FAM184B: variants seen among roughly 807,000 people sequenced by gnomAD.
FAM184B encodes the protein family with sequence similarity 184 member B, also known as protein FAM184B.
In FAM184B, 111 loss-of-function variants were observed where a neutral mutation model predicts 135.9. The observed-to-expected ratio is 0.82, with a 90% confidence interval of 0.70 to 0.96. FAM184B has a LOEUF of 0.96. Among genes scored for constraint, FAM184B ranks in the 40% least tolerant of loss-of-function variants. The pLI, the probability that FAM184B is intolerant of heterozygous loss-of-function variation, is 0.00. For synonymous variants in FAM184B, 552 were observed against 524.8 expected (o/e 1.05, Z -0.71); for missense variants, 1,375 against 1,323.9 (o/e 1.04, Z -0.60).
chr4:17,779,649 T>C (rs1034058609), intron 1 of FAM184B, among the ~76,000 whole-genome samples: 9 of 152,234 alleles, frequency 5.9e-5, no homozygotes, highest in Admixed American at 1.3e-4. Context: ...AGCTGGCACA[T>C]AGTAGGAATT....
At chr4:17,780,281 A>C (rs1719009786) in intron 1 of FAM184B, among the ~76,000 whole-genome samples, 1 of 152,138 alleles carries the variant, frequency 6.6e-6, no homozygotes, top group Non-Finnish European at 1.5e-5. Flanking sequence ...CCTGGACCTG[A>C]CCTCTCCCTG....
rs1337544513 is a variant in FAM184B at position 17,644,976 on chromosome 4, C to CA, written c.2346+2660dup. On this transcript the variant is annotated intron_variant, in intron 12 of 17. Coordinates refer to ENST00000265018, the MANE Select transcript of FAM184B (RefSeq NM_015688.2). ...GAGAGCCAAATCATGAGTGAACTCCCATTCACAATTGCTTCAAAGAGAATA... is the reference window on the plus strand; with the variant it reads ...GAGAGCCAAATCATGAGTGAACTCCCAATTCACAATTGCTTCAAAGAGAATA... Among the ~76,000 whole-genome samples, 3 of 152,252 alleles carry CA rather than the reference C, an allele frequency of 2.0e-5. No homozygotes were observed. In the East Asian group the frequency reaches 5.8e-4, roughly 29 times the overall value.
chr4:17,636,472 G>C (rs1260133726), intron 15 of FAM184B, 56 bp downstream of exon 15: 1 of 1,360,138 alleles, frequency 7.4e-7, no homozygotes, highest in African/African-American at 1.4e-5. Context: ...CCCCTCCCGG[G>C]GGAGCCCGCA....
At chr4:17,739,092 T>C (rs185194090) in intron 1 of FAM184B, among the ~76,000 whole-genome samples, 53 of 152,372 alleles carry the variant, frequency 3.5e-4, no homozygotes, top group Non-Finnish European at 3.5e-4. Flanking sequence ...ACCCTGTGCC[T>C]GCAAGGCACC....
At chr4:17,637,015 C>G (rs1415979148) in intron 14 of FAM184B, among the ~76,000 whole-genome samples, 1 of 152,110 alleles carries the variant, frequency 6.6e-6, no homozygotes, top group African/African-American at 2.4e-5. Flanking sequence ...GGCCAGTGGC[C>G]GGTACCTATG....
chr4:17,708,708 TA>T (rs1560182124), intron 2 of FAM184B, among the ~76,000 whole-genome samples, 183 bp downstream of exon 2: 23 of 45,756 alleles, frequency 5.0e-4, no homozygotes, highest in Non-Finnish European at 6.7e-4. Context: ...TATATATATA[TA>T]GTGTCTGTGT....
intron 1 of FAM184B, among the ~76,000 whole-genome samples, chr4:17,725,309 C>A (rs1157869625): frequency 2.0e-5 from 3 of 152,142 alleles, no homozygotes; most frequent in Non-Finnish European, 4.4e-5. Context: ...AGAGAGGGGA[C>A]ACCATTTAGA....
chr4:17,768,999 C>A lies in FAM184B; in HGVS notation c.141+12160G>T, dbSNP rs533757108. Among the ~76,000 whole-genome samples, 8 of 152,158 alleles carry A rather than the reference C, an allele frequency of 5.3e-5. No homozygotes were observed. In the East Asian group the frequency reaches 1.2e-3, roughly 22 times the overall value. On this transcript the variant is annotated intron_variant, in intron 1 of 17. Transcript: ENST00000265018. ...TCTGTTTTTAGTAGAGACGGGGTTT[C>A]TCCATGTTGGTCAGGCTGGTCTTGA... is the stretch of plus-strand genomic sequence containing the variant.
chr4:17,636,653 A>C lies in FAM184B; in HGVS notation c.2667-8T>G, dbSNP rs1715146988. 4.5e-6 allele frequency: 7 copies of C among 1,542,524 alleles called. No individual in the cohort carries two copies. Among genetic ancestry groups the C allele is most frequent in the Non-Finnish European group, 6.1e-6 (7 of 1,143,056 alleles). ...TCTCCGGAATCTTTCAGTCTGTTCCAAGCAGGCATGCAGTCAAGTCCCCCT... is the reference window on the plus strand; with the variant it reads ...TCTCCGGAATCTTTCAGTCTGTTCCCAGCAGGCATGCAGTCAAGTCCCCCT... On this transcript the variant is annotated splice_polypyrimidine_tract_variant and splice_region_variant and intron_variant, in intron 14 of 17. Coordinates refer to ENST00000265018, the MANE Select transcript of FAM184B (RefSeq NM_015688.2).
chr4:17,765,974 A>G (rs1353216680), intron 1 of FAM184B, among the ~76,000 whole-genome samples: 1 of 152,120 alleles, frequency 6.6e-6, no homozygotes, highest in East Asian at 1.9e-4. Flanking sequence ...GGGGTTATTC[A>G]TTCCCCCCGG....
intron 1 of FAM184B, among the ~76,000 whole-genome samples, chr4:17,714,815 T>C (rs1717372525): frequency 2.0e-5 from 3 of 152,130 alleles, no homozygotes; most frequent in Admixed American, 2.0e-4. Flanking sequence ...GGGTACCACA[T>C]GGTGGGCTCA....
intron 10 of FAM184B, among the ~76,000 whole-genome samples, chr4:17,655,431 C>T (rs970133886): frequency 1.3e-5 from 2 of 152,198 alleles, no homozygotes; most frequent in Non-Finnish European, 2.9e-5. Flanking sequence ...GGGTGCAGCA[C>T]TCAGGGCTCA....
intron 1 of FAM184B, among the ~76,000 whole-genome samples, chr4:17,776,712 G>C (rs17583774): frequency 0.37 from 56,322 of 152,058 alleles, 12,260 homozygotes; most frequent in Non-Finnish European, 0.49. Flanking sequence ...GTCTTAATCA[G>C]AAAAGTAAGG....
chr4:17,765,975 T>G (rs1035188736), intron 1 of FAM184B, among the ~76,000 whole-genome samples: 4 of 152,152 alleles, frequency 2.6e-5, no homozygotes, highest in African/African-American at 9.7e-5. Flanking sequence ...GGGTTATTCA[T>G]TCCCCCCGGC....
chr4:17,722,537 G>C (rs1717553402), intron 1 of FAM184B, among the ~76,000 whole-genome samples: 1 of 152,230 alleles, frequency 6.6e-6, no homozygotes, highest in South Asian at 2.1e-4. Flanking sequence ...GCATTGAACT[G>C]TGAGACATCA....
At chr4:17,734,359 C>T (rs1350498440) in intron 1 of FAM184B, among the ~76,000 whole-genome samples, 4 of 152,050 alleles carry the variant, frequency 2.6e-5, no homozygotes, top group South Asian at 2.1e-4. Context: ...AGAGCTTCTG[C>T]ACAGCAAAAG....
intron 1 of FAM184B, among the ~76,000 whole-genome samples, chr4:17,722,838 T>C (rs991727137): frequency 6.6e-6 from 1 of 152,208 alleles, no homozygotes; most frequent in Non-Finnish European, 1.5e-5. Context: ...AACATGTGTA[T>C]GCGTGAATGA....
chr4:17,765,816 C>T (rs928964471), intron 1 of FAM184B, among the ~76,000 whole-genome samples: 1 of 152,160 alleles, frequency 6.6e-6, no homozygotes, highest in Non-Finnish European at 1.5e-5. Flanking sequence ...AGAGTTTGTT[C>T]CTTCTGATAT....
chr4:17,732,417 C>G (rs1717802984), intron 1 of FAM184B, among the ~76,000 whole-genome samples: 1 of 151,886 alleles, frequency 6.6e-6, no homozygotes, highest in Non-Finnish European at 1.5e-5. Context: ...TTGAAAAGAT[C>G]AACAAAATCG....
Sources: gnomAD v4.1 joint callset for allele counts (sites outside exome capture counted in the v4.1 genomes callset) on GRCh38, gnomAD v4.1.1 for gene constraint, MANE v1.5 for transcripts, NCBI Gene and HGNC (gene_info 2026-07-23, HGNC 2026-07-21) for gene names.